The following DMD variants were observed in gnomAD, a reference collection of about 807,000 sequenced individuals.
DMD encodes the protein dystrophin, also known as mutant dystrophin.
Under a neutral mutation model 330.1 loss-of-function variants are expected in DMD, and 63 were observed. The ratio of observed to expected loss-of-function variants is 0.19; its 90% CI spans 0.16 to 0.24. The LOEUF (loss-of-function observed/expected upper bound fraction) is 0.24. DMD is among the 10% of genes least tolerant of loss of function. The pLI is 1.00. For missense variants in DMD, 3,344 were observed against 2,684.1 expected (o/e 1.25, Z -5.43); for synonymous variants, 1,223 against 959.8 (o/e 1.27, Z -5.07).
At chrX:31,137,694 G>A (rs1012209164) in intron 76 of DMD, among the ~76,000 whole-genome samples, 11 of 110,244 alleles carry the variant, frequency 1.0e-4, no homozygotes, top group African/African-American at 3.6e-4. Context: ...TGTGAAACTC[G>A]CATTCATAAG....
At chrX:32,125,473 T>C (rs1345619235) in intron 44 of DMD, among the ~76,000 whole-genome samples, 1 of 111,802 alleles carries the variant, frequency 8.9e-6, no homozygotes, top group Non-Finnish European at 1.9e-5. Flanking sequence ...TTGTTGAGTC[T>C]GAGTTGCCTC....
rs368357171 is a variant in DMD, at chrX:32,380,506, T to A, written c.4845+4A>T. ...AAAATAACCTTCAGTGATATAGGTT[T>A]TACCTTTCCCCAGGCAACTTCAGAA... On this transcript the variant is annotated splice_donor_region_variant and intron_variant, in intron 34 of 78. Transcript: ENST00000357033. 9 of 1,207,703 alleles carry A rather than the reference T, an allele frequency of 7.5e-6. No homozygotes were observed. The African/African-American group carries it at 1.6e-4, about 21-fold the overall frequency.
chrX:32,797,052 C>A (rs762888537), intron 7 of DMD, among the ~76,000 whole-genome samples: 4 of 112,014 alleles, frequency 3.6e-5, no homozygotes, highest in Admixed American at 9.5e-5. Context: ...AACCTAATAT[C>A]TATTTTTCCA....
chrX:32,614,236 C>T, intron 12 of DMD, 67 bp downstream of exon 12: 1 of 1,041,350 alleles, frequency 9.6e-7, no homozygotes, highest in Non-Finnish European at 1.3e-6. Context: ...ATCTGTGTTA[C>T]TGTGTATAGG....
intron 60 of DMD, among the ~76,000 whole-genome samples, chrX:31,356,995 T>G (rs537683017): frequency 7.3e-4 from 78 of 106,531 alleles, no homozygotes; most frequent in South Asian, 6.0e-3. Flanking sequence ...TGGAAGGTGA[T>G]GTAACTTGAT....
intron 18 of DMD, 152 bp from the exon 19 acceptor site, chrX:32,501,994 A>G (rs554295315): frequency 4.4e-6 from 2 of 450,156 alleles, no homozygotes; most frequent in Admixed American, 6.7e-5. Flanking sequence ...CACTTTTGCC[A>G]TCAAAAACAT....
intron 61 of DMD, among the ~76,000 whole-genome samples, chrX:31,337,337 C>T (rs748225103): frequency 9.0e-6 from 1 of 111,650 alleles, no homozygotes; most frequent in South Asian, 3.8e-4. Flanking sequence ...TACCTGCAGT[C>T]GCCTGAAATC....
chrX:32,325,795 T>C (rs1475198481), intron 41 of DMD, among the ~76,000 whole-genome samples: 3 of 94,654 alleles, frequency 3.2e-5, no homozygotes, highest in Non-Finnish European at 6.2e-5. Context: ...TGATCTTAAG[T>C]ACTCAATTTT....
intron 2 of DMD, among the ~76,000 whole-genome samples, chrX:32,960,025 C>A (rs7052798): frequency 0.36 from 39,939 of 110,582 alleles, 6,203 homozygotes; most frequent in African/African-American, 0.6. Flanking sequence ...CTAGACTCAA[C>A]AAATAGGATT....
At chrX:32,299,124 C>G (rs1454392704) in intron 42 of DMD, among the ~76,000 whole-genome samples, 1 of 110,658 alleles carries the variant, frequency 9.0e-6, no homozygotes, top group African/African-American at 3.3e-5. Flanking sequence ...TGGGCATCTC[C>G]TGAGTGAACT....
At chrX:32,112,991 GA>G (rs1366314600) in intron 44 of DMD, among the ~76,000 whole-genome samples, 2 of 112,668 alleles carry the variant, frequency 1.8e-5, no homozygotes, top group Admixed American at 9.4e-5. Flanking sequence ...TCAGGAATTT[GA>G]AAGCCAAATT....
rs2098391238 is a variant in DMD, at chrX:32,463,643, T to C, written c.3277-49A>G. 3 of 1,032,599 alleles carry C rather than the reference T, an allele frequency of 2.9e-6. No individual in the cohort carries two copies. The African/African-American group carries it at 5.7e-5, about 19-fold the overall frequency. 85.1% of individuals were successfully genotyped at this position (1,032,599 alleles called of 1,213,427 possible). On this transcript the variant is annotated intron_variant, in intron 24 of 78. Coordinates refer to ENST00000357033, the MANE Select transcript of DMD (RefSeq NM_004006.3). Reference sequence around the variant, plus strand: ...CCAGCTGAAAAAAATTACTGCCACATATTAGATATGAAACATAGCTAGAAA... The same window carrying C: ...CCAGCTGAAAAAAATTACTGCCACACATTAGATATGAAACATAGCTAGAAA...
chrX:32,672,365 C>T (rs889112505), intron 9 of DMD, among the ~76,000 whole-genome samples: 2 of 111,344 alleles, frequency 1.8e-5, no homozygotes, highest in African/African-American at 6.5e-5. Flanking sequence ...ATTAGACACA[C>T]ACACACTTTC....
chrX:31,547,255 T>A (rs1384866708), intron 55 of DMD, among the ~76,000 whole-genome samples: 7 of 112,237 alleles, frequency 6.2e-5, no homozygotes, highest in Non-Finnish European at 1.1e-4. Context: ...CAATTTCATA[T>A]ACACATGGTC....
At chrX:32,792,937 C>G (rs933538353) in intron 7 of DMD, among the ~76,000 whole-genome samples, 1 of 112,122 alleles carries the variant, frequency 8.9e-6, no homozygotes, top group Non-Finnish European at 1.9e-5. Context: ...TGGCTTGAAA[C>G]TGCTCCTTAG....
At chrX:32,012,965 A>G (rs1325934123) in intron 44 of DMD, among the ~76,000 whole-genome samples, 1 of 110,777 alleles carries the variant, frequency 9.0e-6, no homozygotes, top group African/African-American at 3.3e-5. Context: ...CTCAGTGTAG[A>G]ATGTCATTCA....
chrX:33,125,467 G>A (rs1002453193), intron 1 of DMD, among the ~76,000 whole-genome samples: 1 of 111,359 alleles, frequency 9.0e-6, no homozygotes, highest in Non-Finnish European at 1.9e-5. Flanking sequence ...TCTCAGTTAC[G>A]AACATCTAGA....
At chrX:31,132,522 A>G (rs1266028967) in intron 77 of DMD, among the ~76,000 whole-genome samples, 1 of 111,686 alleles carries the variant, frequency 9.0e-6, no homozygotes, top group Non-Finnish European at 1.9e-5. Flanking sequence ...GGGTGCCAAC[A>G]GGGCAGCCAG....
At chrX:32,616,582 G>A (rs975077930) in intron 11 of DMD, among the ~76,000 whole-genome samples, 1 of 109,161 alleles carries the variant, frequency 9.2e-6, no homozygotes, top group African/African-American at 3.3e-5. Context: ...CGAGACCGTG[G>A]AGTTTAGCAT....
Sources: gnomAD v4.1 joint callset for allele counts (sites outside exome capture counted in the v4.1 genomes callset) on GRCh38, gnomAD v4.1.1 for gene constraint, MANE v1.5 for transcripts, NCBI Gene and HGNC (gene_info 2026-07-23, HGNC 2026-07-21) for gene names.